The following COLEC10 variants were observed in gnomAD, a reference collection of about 807,000 sequenced individuals.
COLEC10 encodes the protein collectin-10.
A neutral mutation model predicts 28.4 loss-of-function variants in COLEC10; 22 were observed. That is an observed-to-expected ratio of 0.78 (90% CI 0.55 to 1.11). COLEC10 has a LOEUF of 1.11. COLEC10 is among the 50% of genes least tolerant of loss of function. The probability of loss-of-function intolerance (pLI) is 0.00; values close to 1 mark genes in which losing one functional copy is unlikely to be tolerated. For synonymous variants in COLEC10, 125 were observed against 116.1 expected (o/e 1.08, Z -0.49); for missense variants, 361 against 344.1 (o/e 1.05, Z -0.39).
intron 5 of COLEC10, 62 bp from the exon 6 acceptor site, chr8:119,105,738 T>C: frequency 2.2e-6 from 3 of 1,374,050 alleles, no homozygotes; most frequent in South Asian, 1.4e-5. Context: ...CAATATCATA[T>C]AATTTTGTTG....
chr8:119,075,892 C>CTTTTTTT (rs35870985), intron 1 of COLEC10, among the ~76,000 whole-genome samples: 7 of 82,404 alleles, frequency 8.5e-5, no homozygotes, highest in South Asian at 5.7e-4. Flanking sequence ...TCAGCCATAT[C>CTTTTTTT]TTTTTTTTTT....
At chr8:119,093,338 C>T (rs376077709) in intron 3 of COLEC10, among the ~76,000 whole-genome samples, 4 of 152,240 alleles carry the variant, frequency 2.6e-5, no homozygotes, top group East Asian at 3.9e-4. Context: ...AGCCTGCATT[C>T]GGAGGCAGGG....
chr8:118,970,707 T>C, the COLEC10 span, among the ~76,000 whole-genome samples: 1 of 151,926 alleles, frequency 6.6e-6, no homozygotes, highest in Non-Finnish European at 1.5e-5. Context: ...GCATTGTGGC[T>C]CTTTGAATGA....
the COLEC10 span, among the ~76,000 whole-genome samples, chr8:118,977,753 AAAT>A: frequency 2.3e-5 from 3 of 130,792 alleles, no homozygotes; most frequent in African/African-American, 3.4e-5. Context: ...TAATAATAAT[AAAT>A]AAATAAATAA....
At chr8:119,095,082 A>C (rs185140933) in intron 3 of COLEC10, among the ~76,000 whole-genome samples, 32 of 152,350 alleles carry the variant, frequency 2.1e-4, no homozygotes, top group Admixed American at 2.6e-4. Context: ...ACATGATTGC[A>C]TACCTAGTAC....
At chr8:119,053,727 G>T (rs1484186472) in intron 2 of COLEC10, among the ~76,000 whole-genome samples, 1 of 151,706 alleles carries the variant, frequency 6.6e-6, no homozygotes, top group Non-Finnish European at 1.5e-5. Flanking sequence ...ATGATAGCTT[G>T]CACACAGTTA....
chr8:119,090,091 T>C (rs1339287646), intron 2 of COLEC10, among the ~76,000 whole-genome samples: 1 of 36,734 alleles, frequency 2.7e-5, no homozygotes, highest in East Asian at 5.8e-4. Flanking sequence ...CTAAGCAGCA[T>C]TTTTTTTTTA....
At chr8:118,974,796 C>A in the COLEC10 span, among the ~76,000 whole-genome samples, 1 of 152,022 alleles carries the variant, frequency 6.6e-6, no homozygotes, top group African/African-American at 2.4e-5. Flanking sequence ...GTTATCCAAC[C>A]TTATCCATTA....
chr8:119,030,554 C>A (rs990015067), intron 2 of COLEC10, among the ~76,000 whole-genome samples: 2 of 152,116 alleles, frequency 1.3e-5, no homozygotes, highest in African/African-American at 4.8e-5. Context: ...AATCCTGGTT[C>A]TACTACTGAC....
chr8:119,086,218 A>G (rs1815478810), intron 1 of COLEC10, among the ~76,000 whole-genome samples: 2 of 152,304 alleles, frequency 1.3e-5, no homozygotes, highest in African/African-American at 4.8e-5. Flanking sequence ...AGTGGGTGTG[A>G]GCAAAGCAAA....
intron 2 of COLEC10, among the ~76,000 whole-genome samples, chr8:119,023,059 A>C (rs756121054): frequency 1.1e-4 from 17 of 152,230 alleles, no homozygotes; most frequent in Non-Finnish European, 1.9e-4. Flanking sequence ...CACATGGTTT[A>C]TATCTCTCTT....
intron 2 of COLEC10, among the ~76,000 whole-genome samples, chr8:119,023,872 G>A (rs188360497): frequency 3.9e-5 from 6 of 152,136 alleles, no homozygotes; most frequent in Admixed American, 2.6e-4. Flanking sequence ...GCAAAAGCAC[G>A]TGTTTTGGTT....
At chr8:119,082,220 A>G (rs1279021624) in intron 1 of COLEC10, among the ~76,000 whole-genome samples, 2 of 152,192 alleles carry the variant, frequency 1.3e-5, no homozygotes, top group Admixed American at 6.6e-5. Context: ...CAGTAGAGGC[A>G]GTGGTGTGTG....
At chr8:119,006,306 A>G (rs1416602805) in intron 1 of COLEC10, among the ~76,000 whole-genome samples, 1 of 152,080 alleles carries the variant, frequency 6.6e-6, no homozygotes, top group Non-Finnish European at 1.5e-5. Flanking sequence ...AACTTCCACA[A>G]GCTCTTAGGC....
At chr8:119,021,387 A>T (rs896070716) in intron 2 of COLEC10, among the ~76,000 whole-genome samples, 4 of 152,162 alleles carry the variant, frequency 2.6e-5, no homozygotes, top group Non-Finnish European at 5.9e-5. Context: ...CTCCCTGCAG[A>T]TGAACTACAG....
At chr8:118,984,950 G>A in the COLEC10 span, among the ~76,000 whole-genome samples, 1 of 152,046 alleles carries the variant, frequency 6.6e-6, no homozygotes, top group Non-Finnish European at 1.5e-5. Flanking sequence ...CATATCTCGT[G>A]AGACCCATTC....
intron 2 of COLEC10, among the ~76,000 whole-genome samples, chr8:119,048,236 C>A (rs942134255): frequency 6.6e-6 from 1 of 152,200 alleles, no homozygotes; most frequent in African/African-American, 2.4e-5. Context: ...TAAATGACAA[C>A]ATGTGGATTT....
At chr8:118,965,847 A>C in the COLEC10 span, among the ~76,000 whole-genome samples, 1 of 152,110 alleles carries the variant, frequency 6.6e-6, no homozygotes, top group African/African-American at 2.4e-5. Context: ...AATCAATGTC[A>C]GGTCAGGCGA....
Position 119,106,807 on chromosome 8 carries a change from T to C in COLEC10, c.*616T>C, listed in dbSNP as rs1427224154. Among the ~76,000 whole-genome samples, 1 of 152,218 alleles carries C rather than the reference T, an allele frequency of 6.6e-6. No homozygotes were observed. The highest frequency in any genetic ancestry group is 1.9e-4 in the East Asian group (1 of 5,202). On this transcript the variant is annotated 3_prime_UTR_variant, in exon 6 of 6. Transcript: ENST00000332843. ...GTGTCTTGTTTCAGACCATGTGGAA[T>C]GATAAATACTCTTTTTGTGCTTCTG... is the stretch of plus-strand genomic sequence containing the variant.
Sources: gnomAD v4.1 joint callset for allele counts (sites outside exome capture counted in the v4.1 genomes callset) on GRCh38, gnomAD v4.1.1 for gene constraint, MANE v1.5 for transcripts, NCBI Gene and HGNC (gene_info 2026-07-23, HGNC 2026-07-21) for gene names.